USP26: variants seen among roughly 807,000 people sequenced by gnomAD.
The protein encoded by USP26 is ubiquitin specific peptidase 26, also known as ubiquitin carboxyl-terminal hydrolase 26.
For missense variants in USP26, 649 were observed against 642.3 expected, an observed-to-expected ratio of 1.01 and a Z score of -0.11; for synonymous variants, 236 against 240.6, an observed-to-expected ratio of 0.98 and a Z score of 0.18.
intron 4 of USP26, among the ~76,000 whole-genome samples, chrX:133,089,512 C>CT (rs1466563519): frequency 9.0e-6 from 1 of 111,715 alleles, no homozygotes; most frequent in African/African-American, 3.3e-5. Flanking sequence ...AAGAAAAAAT[C>CT]TGAGATCCTT....
chrX:133,050,165 A>C (rs2067454105), intron 5 of USP26, among the ~76,000 whole-genome samples: 1 of 111,933 alleles, frequency 8.9e-6, no homozygotes, highest in South Asian at 3.7e-4. Context: ...ATAGCTTGAT[A>C]TTGCATAGAA....
intron 5 of USP26, among the ~76,000 whole-genome samples, chrX:133,043,759 A>G (rs1284048931): frequency 8.9e-6 from 1 of 111,840 alleles, no homozygotes; most frequent in African/African-American, 3.2e-5. Context: ...TAGAAAAAAA[A>G]TAGCCAGGTG....
intron 5 of USP26, among the ~76,000 whole-genome samples, chrX:133,048,931 C>T (rs2067449692): frequency 1.8e-5 from 2 of 111,728 alleles, no homozygotes; most frequent in South Asian, 7.5e-4. Context: ...GCTTACTTCT[C>T]TGAGGAGCTG....
intron 5 of USP26, among the ~76,000 whole-genome samples, chrX:133,072,559 TGCATTTGAACA>T (rs2067533941): frequency 8.9e-6 from 1 of 112,620 alleles, no homozygotes; most frequent in Non-Finnish European, 1.9e-5. Flanking sequence ...GATAGCACTG[TGCATTTGAACA>T]TAACACTATT....
At chrX:133,064,876 T>A (rs1330948387) in intron 5 of USP26, among the ~76,000 whole-genome samples, 1 of 111,098 alleles carries the variant, frequency 9.0e-6, no homozygotes, top group Non-Finnish European at 1.9e-5. Context: ...ATAACCAATG[T>A]CAGAGCAGAA....
At chrX:133,055,459 A>C (rs2148531330) in intron 5 of USP26, among the ~76,000 whole-genome samples, 1 of 111,999 alleles carries the variant, frequency 8.9e-6, no homozygotes, top group East Asian at 2.8e-4. Flanking sequence ...TCTGCTATTA[A>C]AACACAAAGA....
chrX:133,048,983 G>A (rs1248883011), intron 5 of USP26, among the ~76,000 whole-genome samples: 1 of 112,189 alleles, frequency 8.9e-6, no homozygotes, highest in Non-Finnish European at 1.9e-5. Flanking sequence ...GACAAATGGA[G>A]AGAAAAGATT....
chrX:133,057,605 G>A (rs2067479643), intron 5 of USP26, among the ~76,000 whole-genome samples: 1 of 107,887 alleles, frequency 9.3e-6, no homozygotes, highest in South Asian at 4.1e-4. Flanking sequence ...TCTAGTATAC[G>A]TATTTAACGC....
At chrX:133,044,696 C>T (rs914286399) in intron 5 of USP26, among the ~76,000 whole-genome samples, 1 of 113,150 alleles carries the variant, frequency 8.8e-6, no homozygotes, top group African/African-American at 3.2e-5. Context: ...CCCAAGCCTC[C>T]CCGACGAGCG....
chrX:133,095,294 GTAAAA>G (rs895741754), intron 1 of USP26, among the ~76,000 whole-genome samples: 5 of 111,215 alleles, frequency 4.5e-5, no homozygotes, highest in African/African-American at 1.6e-4. Flanking sequence ...GAATTCCTCT[GTAAAA>G]TAAAATTCCA....
chrX:133,095,162 C>T (rs146173921), intron 1 of USP26, among the ~76,000 whole-genome samples: 1 of 109,068 alleles, frequency 9.2e-6, no homozygotes, highest in African/African-American at 3.3e-5. Flanking sequence ...ACAAAACATT[C>T]TTTCAATTAG....
At chrX:133,033,109 T>A (rs1478516800) in intron 5 of USP26, among the ~76,000 whole-genome samples, 2 of 110,661 alleles carry the variant, frequency 1.8e-5, no homozygotes, top group African/African-American at 6.6e-5. Flanking sequence ...GGAAAGGAAA[T>A]CCTCCCCTCC....
chrX:133,095,104 A>G (rs866193362), intron 1 of USP26, among the ~76,000 whole-genome samples: 1 of 103,381 alleles, frequency 9.7e-6, no homozygotes, highest in South Asian at 4.1e-4. Flanking sequence ...AAAAAAAAAA[A>G]AAAAAAAGAA....
intron 1 of USP26, among the ~76,000 whole-genome samples, chrX:133,096,017 T>C (rs999223061): frequency 9.3e-6 from 1 of 107,052 alleles, no homozygotes; most frequent in Non-Finnish European, 1.9e-5. Flanking sequence ...AGTGCTGGGA[T>C]TACAGGCATG....
At chrX:133,083,237 C>T (rs1041387938) in intron 5 of USP26, among the ~76,000 whole-genome samples, 4 of 111,922 alleles carry the variant, frequency 3.6e-5, no homozygotes, top group East Asian at 2.8e-4. Flanking sequence ...TATAAACATC[C>T]CTCTGTGATC....
chrX:133,059,390 T>C (rs1018447640), intron 5 of USP26, among the ~76,000 whole-genome samples: 1 of 111,344 alleles, frequency 9.0e-6, no homozygotes, highest in African/African-American at 3.3e-5. Flanking sequence ...CCAACCTCTT[T>C]AAGGCTCAGC....
At chrX:133,070,867 C>G (rs1057483340) in intron 5 of USP26, among the ~76,000 whole-genome samples, 2 of 111,178 alleles carry the variant, frequency 1.8e-5, no homozygotes, top group Non-Finnish European at 3.8e-5. Flanking sequence ...AATTAATGAA[C>G]CTATTTGGAC....
intron 5 of USP26, among the ~76,000 whole-genome samples, chrX:133,068,676 G>C (rs1042976450): frequency 8.9e-6 from 1 of 112,230 alleles, no homozygotes; most frequent in Non-Finnish European, 1.9e-5. Context: ...AGTGTGCCAG[G>C]AATCTTGCAG....
chrX:133,073,185 A>G (rs367779743), intron 5 of USP26, among the ~76,000 whole-genome samples: 1 of 110,321 alleles, frequency 9.1e-6, no homozygotes, highest in African/African-American at 3.3e-5. Flanking sequence ...TTGGCTTTGT[A>G]CTTCACTCTC....
Sources: gnomAD v4.1 joint callset for allele counts (sites outside exome capture counted in the v4.1 genomes callset) on GRCh38, gnomAD v4.1.1 for gene constraint, MANE v1.5 for transcripts, NCBI Gene and HGNC (gene_info 2026-07-23, HGNC 2026-07-21) for gene names.